RANBP2: variants seen among roughly 807,000 people sequenced by gnomAD.
The protein encoded by RANBP2 is E3 SUMO-protein ligase RanBP2.
A neutral mutation model predicts 303.6 loss-of-function variants in RANBP2; 57 were observed. That is an observed-to-expected ratio of 0.19 (90% CI 0.15 to 0.23). The LOEUF is 0.23. Ranked by LOEUF, RANBP2 falls within the 10% of genes least tolerant of loss-of-function variation. The probability of loss-of-function intolerance (pLI) is 1.00; values close to 1 mark genes in which losing one functional copy is unlikely to be tolerated. For missense variants in RANBP2, 3,138 were observed against 3,780.8 expected, an observed-to-expected ratio of 0.83 and a Z score of 4.46; for synonymous variants, 1,167 against 1,301.5, an observed-to-expected ratio of 0.90 and a Z score of 2.23.
the RANBP2 span, among the ~76,000 whole-genome samples, chr2:109,311,788 C>T: frequency 6.6e-6 from 1 of 151,584 alleles, no homozygotes; most frequent in South Asian, 2.1e-4. Flanking sequence ...ATCAAGGCTA[C>T]CCATATGGCA....
At chr2:108,864,052 CAAT>C in the RANBP2 span, among the ~76,000 whole-genome samples, 1 of 151,910 alleles carries the variant, frequency 6.6e-6, no homozygotes, top group Non-Finnish European at 1.5e-5. Context: ...TAACACTAGA[CAAT>C]AATAGATGAT....
At chr2:109,148,622 G>A in the RANBP2 span, among the ~76,000 whole-genome samples, 2 of 152,148 alleles carry the variant, frequency 1.3e-5, no homozygotes, top group African/African-American at 4.8e-5. Context: ...ATTAAAGATG[G>A]CATTAGTCAG....
At chr2:109,514,662 G>T in the RANBP2 span, among the ~76,000 whole-genome samples, 16 of 152,340 alleles carry the variant, frequency 1.1e-4, no homozygotes, top group Non-Finnish European at 1.5e-4. Flanking sequence ...GGCCTCAGGT[G>T]TGGCTACAGC....
chr2:108,931,136 CAG>C, the RANBP2 span: 1 of 897,710 alleles, frequency 1.1e-6, no homozygotes, highest in African/African-American at 1.6e-5. Flanking sequence ...TTCCAGCAAA[CAG>C]AGGGGAAACT....
At chr2:109,545,996 G>A in the RANBP2 span, 8 of 1,518,436 alleles carry the variant, frequency 5.3e-6, no homozygotes, top group South Asian at 1.1e-4. Context: ...GATCCGACAG[G>A]GCAATGTGAC....
At chr2:109,589,160 T>C in the RANBP2 span, among the ~76,000 whole-genome samples, 3 of 152,084 alleles carry the variant, frequency 2.0e-5, no homozygotes, top group Non-Finnish European at 4.4e-5. Context: ...TTTTCTTTTT[T>C]GAGATGGAGT....
At chr2:108,843,666 A>G in the RANBP2 span, among the ~76,000 whole-genome samples, 1 of 151,944 alleles carries the variant, frequency 6.6e-6, no homozygotes, top group Non-Finnish European at 1.5e-5. Context: ...CATATATGTA[A>G]GGTGTCATTT....
chr2:109,561,374 C>T, the RANBP2 span, among the ~76,000 whole-genome samples: 1 of 152,262 alleles, frequency 6.6e-6, no homozygotes, highest in East Asian at 1.9e-4. Flanking sequence ...ACACTGTCTG[C>T]CTCTCCTTTA....
At chr2:109,564,231 A>C in the RANBP2 span, 1 of 742,626 alleles carries the variant, frequency 1.3e-6, no homozygotes, top group Non-Finnish European at 1.9e-6. Flanking sequence ...CACAATAATT[A>C]GTCATTACCA....
chr2:108,872,643 A>C, the RANBP2 span, among the ~76,000 whole-genome samples: 3 of 152,042 alleles, frequency 2.0e-5, no homozygotes, highest in Non-Finnish European at 4.4e-5. Context: ...TTGCATCATC[A>C]CCTGGCAGAG....
the RANBP2 span, chr2:109,128,584 G>GCTCC: frequency 6.5e-6 from 1 of 153,066 alleles, no homozygotes; most frequent in Non-Finnish European, 1.5e-5. Context: ...CCGGAACGAA[G>GCTCC]CTCCGGGGCT....
At chr2:109,739,729 T>G in the RANBP2 span, among the ~76,000 whole-genome samples, 10 of 151,996 alleles carry the variant, frequency 6.6e-5, no homozygotes, top group African/African-American at 2.4e-4. Flanking sequence ...TTGTCTTGAT[T>G]GCTCTAGCTA....
chr2:109,620,634 G>A, the RANBP2 span, among the ~76,000 whole-genome samples: 1 of 152,086 alleles, frequency 6.6e-6, no homozygotes, highest in Non-Finnish European at 1.5e-5. Context: ...CCCGGGAGGC[G>A]GAGGTTGCAG....
At chr2:109,234,087 T>TG in the RANBP2 span, among the ~76,000 whole-genome samples, 1 of 152,254 alleles carries the variant, frequency 6.6e-6, no homozygotes, top group Admixed American at 6.5e-5. Context: ...GTAGAATTGC[T>TG]GGATCATAAG....
chr2:109,320,202 C>T, the RANBP2 span, among the ~76,000 whole-genome samples: 13 of 152,250 alleles, frequency 8.5e-5, no homozygotes, highest in African/African-American at 2.9e-4. Flanking sequence ...TGCCTCTGCT[C>T]GGCTCATTGA....
At chr2:109,392,748 C>G in the RANBP2 span, among the ~76,000 whole-genome samples, 37 of 152,218 alleles carry the variant, frequency 2.4e-4, no homozygotes, top group African/African-American at 8.4e-4. Flanking sequence ...ATCTCCTGAC[C>G]TTGTGATCCG....
the RANBP2 span, among the ~76,000 whole-genome samples, chr2:109,135,465 A>G: frequency 1.3e-5 from 2 of 152,182 alleles, no homozygotes; most frequent in Non-Finnish European, 2.9e-5. Flanking sequence ...TGCTTCTTAG[A>G]TAAATAGGAT....
At chr2:108,979,467 TCACA>T in the RANBP2 span, among the ~76,000 whole-genome samples, 24,741 of 146,520 alleles carry the variant, frequency 0.17, 3,536 homozygotes, top group East Asian at 0.82. Flanking sequence ...TCTCTCTCTC[TCACA>T]CACACACACA....
chr2:109,230,933 A>T, the RANBP2 span, among the ~76,000 whole-genome samples: 1 of 152,238 alleles, frequency 6.6e-6, no homozygotes, highest in Non-Finnish European at 1.5e-5. Context: ...TCAAACAGGA[A>T]GGCAGGATAG....
Sources: gnomAD v4.1 joint callset for allele counts (sites outside exome capture counted in the v4.1 genomes callset) on GRCh38, gnomAD v4.1.1 for gene constraint, MANE v1.5 for transcripts, NCBI Gene and HGNC (gene_info 2026-07-23, HGNC 2026-07-21) for gene names.